The following ERC1 variants were observed in gnomAD, a reference collection of about 807,000 sequenced individuals.
ERC1 encodes ELKS/RAB6-interacting/CAST family member 1, also known as RAB6 interacting protein 2.
ERC1 carries 56 observed loss-of-function variants against 132.0 expected under a neutral mutation model. The ratio of observed to expected loss-of-function variants is 0.42; its 90% CI spans 0.34 to 0.53. The LOEUF (loss-of-function observed/expected upper bound fraction) is 0.53, where lower values mean the gene tolerates loss of function less well. Among genes scored for constraint, ERC1 ranks in the 20% least tolerant of loss-of-function variants. The pLI, the probability that ERC1 is intolerant of heterozygous loss-of-function variation, is 0.03. For synonymous variants in ERC1, 478 were observed against 476.1 expected (o/e 1.00, Z -0.05); for missense variants, 1,202 against 1,349.9 (o/e 0.89, Z 1.72).
intron 15 of ERC1, among the ~76,000 whole-genome samples, chr12:1,327,195 G>T (rs753700496): frequency 6.7e-6 from 1 of 149,036 alleles, no homozygotes; most frequent in African/African-American, 2.6e-5. Flanking sequence ...ATGATTTGAG[G>T]CCCACTCTGG....
chr12:1,468,975 AC>A (rs1309883309), intron 18 of ERC1, among the ~76,000 whole-genome samples: 1 of 152,174 alleles, frequency 6.6e-6, no homozygotes, highest in East Asian at 1.9e-4. Context: ...GTTCTCCTTC[AC>A]GAATGTTAAC....
At chr12:1,309,931 C>G (rs150727875) in intron 15 of ERC1, among the ~76,000 whole-genome samples, 1,507 of 148,954 alleles carry the variant, frequency 0.01, 28 homozygotes, top group African/African-American at 0.035. Flanking sequence ...GATTTGTTTT[C>G]TTTTGTTTTG....
chr12:1,290,144 T>A (rs1247322493), intron 15 of ERC1, 132 bp downstream of exon 15: 1 of 730,746 alleles, frequency 1.4e-6, no homozygotes, highest in Non-Finnish European at 2.2e-6. Context: ...TATTTCTCAC[T>A]CTCTAGAATA....
At chr12:1,071,141 A>C (rs1487782650) in intron 2 of ERC1, among the ~76,000 whole-genome samples, 2 of 152,204 alleles carry the variant, frequency 1.3e-5, no homozygotes, top group Non-Finnish European at 2.9e-5. Flanking sequence ...TGGCTCTTAT[A>C]GATAAAACCA....
At chr12:1,392,793 T>C (rs1273787730) in intron 16 of ERC1, among the ~76,000 whole-genome samples, 1 of 152,230 alleles carries the variant, frequency 6.6e-6, no homozygotes, top group East Asian at 1.9e-4. Flanking sequence ...AGCCTGATTT[T>C]AATAAATGGT....
intron 12 of ERC1, among the ~76,000 whole-genome samples, chr12:1,198,278 T>G (rs1956531643): frequency 6.6e-6 from 1 of 152,200 alleles, no homozygotes; most frequent in Admixed American, 6.5e-5. Context: ...GAAGCCAATA[T>G]TAAATGATAG....
At chr12:1,062,278 G>A (rs1053633079) in intron 2 of ERC1, among the ~76,000 whole-genome samples, 2 of 151,820 alleles carry the variant, frequency 1.3e-5, no homozygotes, top group African/African-American at 2.4e-5. Context: ...CAATGCGCCC[G>A]GCCTTTTCTT....
intron 7 of ERC1, among the ~76,000 whole-genome samples, chr12:1,136,453 A>G (rs1285002572): frequency 6.6e-6 from 1 of 152,142 alleles, no homozygotes; most frequent in African/African-American, 2.4e-5. Flanking sequence ...TTTCTATAAT[A>G]TATTTATGTG....
intron 3 of ERC1, among the ~76,000 whole-genome samples, chr12:1,091,458 A>C (rs1943206025): frequency 6.6e-6 from 1 of 152,172 alleles, no homozygotes; most frequent in South Asian, 2.1e-4. Flanking sequence ...TTTTGAGGAA[A>C]CAGGAGGGAG....
intron 15 of ERC1, among the ~76,000 whole-genome samples, chr12:1,354,071 G>C (rs75007353): frequency 0.029 from 4,397 of 149,728 alleles, 88 homozygotes; most frequent in South Asian, 0.088. Context: ...TGGTGGTCTC[G>C]TGTCTTATCT....
intron 3 of ERC1, among the ~76,000 whole-genome samples, chr12:1,101,086 A>G (rs1256762885): frequency 6.6e-6 from 1 of 152,120 alleles, no homozygotes. Context: ...GGGTGCTAGC[A>G]ATGTGGAGGT....
chr12:1,264,595 C>T (rs1471920063), intron 14 of ERC1, among the ~76,000 whole-genome samples: 5 of 151,928 alleles, frequency 3.3e-5, no homozygotes, highest in South Asian at 4.2e-4. Context: ...ACCTGGGAGG[C>T]GGAGCTTGCA....
At chr12:1,071,726 T>TTTTGAA (rs1220828035) in intron 2 of ERC1, among the ~76,000 whole-genome samples, 2 of 152,280 alleles carry the variant, frequency 1.3e-5, no homozygotes, top group African/African-American at 4.8e-5. Context: ...AAATTAAAAA[T>TTTTGAA]TTTGAAGTCT....
intron 16 of ERC1, among the ~76,000 whole-genome samples, chr12:1,405,627 C>T (rs2154393348): frequency 6.6e-6 from 1 of 152,260 alleles, no homozygotes; most frequent in South Asian, 2.1e-4. Context: ...CACTTGAACC[C>T]AGGAGGCAGA....
rs749949344 is a variant in ERC1, at chr12:1,189,972, A to G, written c.2271A>G (p.Glu757=). ...YKDESSKAQA[E]VDRLLEILKE... is the part of the protein sequence containing the mutation. Reference sequence around the variant, plus strand: ...ATGAATCTAGCAAGGCCCAGGCAGAAGTTGATCGACTCTTAGAAATCTTGA... The same window carrying G: ...ATGAATCTAGCAAGGCCCAGGCAGAGGTTGATCGACTCTTAGAAATCTTGA... The change falls in exon 12 of 19, where the codon GAA becomes GAG. Residue 757 remains glutamate (E), a synonymous_variant. Transcript: ENST00000360905. The G allele has an allele frequency of 6.2e-7, 1 of 1,614,102 alleles. No homozygotes were observed.
At chr12:1,342,661 G>C (rs1249839841) in intron 15 of ERC1, among the ~76,000 whole-genome samples, 3 of 152,136 alleles carry the variant, frequency 2.0e-5, no homozygotes, top group Non-Finnish European at 4.4e-5. Flanking sequence ...TCAGAGAAGA[G>C]AGCGTTGCGC....
At chr12:1,206,132 G>A (rs1463727911) in intron 12 of ERC1, among the ~76,000 whole-genome samples, 1 of 152,064 alleles carries the variant, frequency 6.6e-6, no homozygotes, top group Non-Finnish European at 1.5e-5. Flanking sequence ...CAGTGGCAAA[G>A]ATCATCTTAG....
Position 1,341,069 on chromosome 12 carries a change from C to CTTTTTTTTTTTTTTTTTTT in ERC1, c.2781-30740_2781-30722dup, listed in dbSNP as rs35902573. Among the ~76,000 whole-genome samples the CTTTTTTTTTTTTTTTTTTT allele has an allele frequency of 3.9e-3, 246 of 63,138 alleles. 58 individuals carry two copies. Among genetic ancestry groups the CTTTTTTTTTTTTTTTTTTT allele is most frequent in the East Asian group, 8.7e-3 (12 of 1,374 alleles). 41.4% of individuals were successfully genotyped at this position (63,138 alleles called of 152,430 possible). A position where few individuals can be genotyped will look rare whatever the true frequency, so the allele number is the denominator to read the frequency against. ...AATGTCCACTTATTCTTTTCTTTTT[C>CTTTTTTTTTTTTTTTTTTT]TTTTTTTTTTTTTTTTTTTTTTTTT... On this transcript the variant is annotated intron_variant, in intron 15 of 18. Transcript: ENST00000360905.
intron 17 of ERC1, among the ~76,000 whole-genome samples, chr12:1,421,704 T>C (rs945749154): frequency 6.6e-6 from 1 of 152,082 alleles, no homozygotes; most frequent in African/African-American, 2.4e-5. Flanking sequence ...TCTTGATGAG[T>C]AAGCAATTTT....
Sources: gnomAD v4.1 joint callset for allele counts (sites outside exome capture counted in the v4.1 genomes callset) on GRCh38, gnomAD v4.1.1 for gene constraint, MANE v1.5 for transcripts, NCBI Gene and HGNC (gene_info 2026-07-23, HGNC 2026-07-21) for gene names.